Variants in WDR7 observed in about 807,000 individuals in gnomAD.
WDR7 encodes the protein WD repeat domain 7, also known as WD repeat-containing protein 7.
Under a neutral mutation model 169.4 loss-of-function variants are expected in WDR7, and 46 were observed. The observed-to-expected ratio is 0.27, with a 90% CI of 0.21 to 0.35. The LOEUF is 0.35. Among genes scored for constraint, WDR7 ranks in the 10% least tolerant of loss-of-function variants. WDR7 has a pLI of 1.00. For synonymous variants in WDR7, 612 were observed against 666.8 expected (o/e 0.92, Z 1.27); for missense variants, 1,534 against 1,859.3 (o/e 0.83, Z 3.22).
intron 16 of WDR7, among the ~76,000 whole-genome samples, chr18:56,774,396 G>C (rs1056977414): frequency 1.3e-5 from 2 of 152,092 alleles, no homozygotes; most frequent in Non-Finnish European, 2.9e-5. Context: ...TCTTATGAGA[G>C]TAAGCAGTTG....
intron 13 of WDR7, among the ~76,000 whole-genome samples, chr18:56,730,303 G>A (rs2026554250): frequency 6.6e-6 from 1 of 152,162 alleles, no homozygotes; most frequent in Non-Finnish European, 1.5e-5. Flanking sequence ...AGAAAAGGGA[G>A]AATTTGATAA....
chr18:56,673,779 G>A (rs965889426), intron 2 of WDR7, among the ~76,000 whole-genome samples: 11 of 151,546 alleles, frequency 7.3e-5, no homozygotes, highest in Admixed American at 1.3e-4. Flanking sequence ...CAGGCTACTC[G>A]TACCACTGCA....
intron 22 of WDR7, among the ~76,000 whole-genome samples, chr18:56,928,028 G>A (rs2046830996): frequency 6.6e-6 from 1 of 152,202 alleles, no homozygotes; most frequent in Admixed American, 6.5e-5. Context: ...AAGAGAGCGG[G>A]GGAAGGACAG....
At chr18:56,705,968 A>C (rs542629313) in intron 12 of WDR7, among the ~76,000 whole-genome samples, 1 of 152,344 alleles carries the variant, frequency 6.6e-6, no homozygotes, top group African/African-American at 2.4e-5. Flanking sequence ...ACTGTACTCC[A>C]GCCTGGGCGA....
chr18:56,655,560 G>A (rs1598936654), intron 1 of WDR7, among the ~76,000 whole-genome samples: 1 of 150,092 alleles, frequency 6.7e-6, no homozygotes, highest in Admixed American at 6.7e-5. Flanking sequence ...GGTTGAAGCT[G>A]CAGTGAGCTG....
At chr18:56,702,234 C>T (rs1326350240) in intron 12 of WDR7, among the ~76,000 whole-genome samples, 1 of 152,142 alleles carries the variant, frequency 6.6e-6, no homozygotes, top group Admixed American at 6.5e-5. Context: ...CACCTCCCTC[C>T]CAGTTTATTT....
At chr18:56,948,651 A>G (rs1483002793) in intron 25 of WDR7, among the ~76,000 whole-genome samples, 5 of 152,240 alleles carry the variant, frequency 3.3e-5, no homozygotes, top group African/African-American at 1.2e-4. Context: ...GATTCTATAA[A>G]AGACCTTCTG....
intron 5 of WDR7, among the ~76,000 whole-genome samples, chr18:56,685,449 G>T (rs1213324632): frequency 6.6e-6 from 1 of 152,134 alleles, no homozygotes; most frequent in Non-Finnish European, 1.5e-5. Context: ...TGACCCTGGT[G>T]CTGTCACTAG....
At chr18:56,667,562 C>T (rs1435656606) in intron 1 of WDR7, among the ~76,000 whole-genome samples, 3 of 152,178 alleles carry the variant, frequency 2.0e-5, no homozygotes, top group Non-Finnish European at 4.4e-5. Context: ...TATGGTTAAG[C>T]ATAGAGTAAT....
At chr18:56,702,738 AAG>A (rs2025860542) in intron 12 of WDR7, among the ~76,000 whole-genome samples, 1 of 152,230 alleles carries the variant, frequency 6.6e-6, no homozygotes, top group African/African-American at 2.4e-5. Flanking sequence ...ATTAAAACCG[AAG>A]GGAAAGCTAG....
At chr18:57,012,171 T>C (rs900907385) in intron 26 of WDR7, among the ~76,000 whole-genome samples, 1 of 152,170 alleles carries the variant, frequency 6.6e-6, no homozygotes, top group African/African-American at 2.4e-5. Flanking sequence ...TTTGAACTCC[T>C]GGAGGTGGGT....
intron 26 of WDR7, among the ~76,000 whole-genome samples, chr18:57,002,508 A>C (rs1013175882): frequency 2.6e-5 from 4 of 152,180 alleles, no homozygotes; most frequent in Non-Finnish European, 5.9e-5. Flanking sequence ...TGTTTATCGC[A>C]TCCTACACCA....
intron 21 of WDR7, among the ~76,000 whole-genome samples, chr18:56,913,035 A>G (rs911574187): frequency 1.3e-5 from 2 of 151,754 alleles, no homozygotes; most frequent in African/African-American, 4.8e-5. Flanking sequence ...CACCATGCCT[A>G]ATTTTTTCAA....
chr18:56,935,832 G>A lies in WDR7; in HGVS notation c.3758G>A (p.Arg1253His), dbSNP rs1295121448. The A allele has an allele frequency of 8.1e-6, 13 of 1,613,958 alleles. No individual in the cohort carries two copies. In the Admixed American group the frequency reaches 8.3e-5, roughly 10 times the overall value. The change falls in exon 23 of 28, where the codon CGC (arginine) becomes CAC (histidine). Residue 1253 changes from arginine (R) to histidine (H), a missense_variant. Physicochemically the swap from Arg to His is conservative, Grantham distance 29. Transcript: ENST00000254442. ...LPLSPAADSA[R>H]SARHALSLIA... ...CTGAGCCCAGCAGCTGACTCGGCCC[G>A]CTCTGCGAGGCATGCCCTCTCGCTC...
intron 21 of WDR7, among the ~76,000 whole-genome samples, chr18:56,903,804 A>G (rs1261580879): frequency 6.6e-6 from 1 of 152,206 alleles, no homozygotes; most frequent in East Asian, 1.9e-4. Flanking sequence ...ATTCCTTGCC[A>G]TCTCACTGGT....
Position 56,781,088 on chromosome 18 carries a change from C to G in WDR7, c.3067-445C>G, listed in dbSNP as rs2044311816. Among the ~76,000 whole-genome samples the G allele has an allele frequency of 2.0e-5, 3 of 152,136 alleles. No homozygotes were observed. In the South Asian group the frequency reaches 6.2e-4, roughly 32 times the overall value. ...TATTTGTTTGTATAAATAGTATCTA[C>G]TTAGCATATATAATATAAAGAAATT... is the stretch of plus-strand genomic sequence containing the variant. On this transcript the variant is annotated intron_variant, in intron 18 of 27. Coordinates refer to ENST00000254442, the MANE Select transcript of WDR7 (RefSeq NM_015285.3).
At position 56,799,873 on chromosome 18, in the gene WDR7, T is replaced by G. The variant is rs140400333; in HGVS notation, c.3191-16158T>G. Among the ~76,000 whole-genome samples the G allele has an allele frequency of 1.2e-3, 180 of 152,332 alleles. 1 individual carries two copies. Among genetic ancestry groups the G allele is most frequent in the African/African-American group, 4.1e-3 (171 of 41,580 alleles). Reference sequence around the variant, plus strand: ...TTGCTGGCATTCTCTGTAAGAGTAATTGATCTACTTTTATTAATCTTTTCA... The same window carrying G: ...TTGCTGGCATTCTCTGTAAGAGTAAGTGATCTACTTTTATTAATCTTTTCA... On this transcript the variant is annotated intron_variant, in intron 19 of 27. Transcript: ENST00000254442.
rs765097662 is a variant in WDR7 at position 56,691,299 on chromosome 18, A to C, written c.801A>C (p.Ser267=). 6.2e-7 allele frequency: 1 copy of C among 1,608,380 alleles called. No homozygotes were observed. The highest frequency in any genetic ancestry group is 8.5e-7 in the Non-Finnish European group (1 of 1,178,916). Residue 267 remains serine (S), a synonymous_variant, in exon 8 of 28, where the codon TCA becomes TCC. Coordinates refer to ENST00000254442, the MANE Select transcript of WDR7 (RefSeq NM_015285.3). ...GQTWTGGDFV[S]SDKVIIWTEN... ...CATGGACCGGGGGGGACTTTGTCTC[A>C]TCAGATAAAGTCATCATTTGGACAG...
intron 20 of WDR7, among the ~76,000 whole-genome samples, chr18:56,841,161 C>A (rs143204329): frequency 6.6e-6 from 1 of 152,100 alleles, no homozygotes; most frequent in Non-Finnish European, 1.5e-5. Flanking sequence ...CCACCGCACT[C>A]CAGCCTGGGT....
Sources: gnomAD v4.1 joint callset for allele counts (sites outside exome capture counted in the v4.1 genomes callset) on GRCh38, gnomAD v4.1.1 for gene constraint, MANE v1.5 for transcripts, NCBI Gene and HGNC (gene_info 2026-07-23, HGNC 2026-07-21) for gene names.